Variants in LATS2 observed in about 807,000 individuals in gnomAD.
LATS2 encodes the protein serine/threonine-protein kinase LATS2.
In LATS2, 24 loss-of-function variants were observed where a neutral mutation model predicts 76.0. That is an observed-to-expected ratio of 0.32 (90% CI 0.23 to 0.44). LATS2 has a LOEUF of 0.44. Ranked by LOEUF, LATS2 falls within the 20% of genes least tolerant of loss-of-function variation. The pLI is 1.00. For missense variants in LATS2, 1,286 were observed against 1,481.2 expected (o/e 0.87, Z 2.16); for synonymous variants, 692 against 635.4 (o/e 1.09, Z -1.34).
intron 2 of LATS2, among the ~76,000 whole-genome samples, chr13:21,017,812 G>C (rs1313659149): frequency 6.6e-6 from 1 of 152,056 alleles, no homozygotes; most frequent in Non-Finnish European, 1.5e-5. Flanking sequence ...TTTTACTAGA[G>C]ATGGGGTTTC....
intron 1 of LATS2, among the ~76,000 whole-genome samples, chr13:21,050,631 A>G (rs4393423): frequency 0.8 from 121,825 of 152,164 alleles, 49,461 homozygotes; most frequent in South Asian, 0.91. Flanking sequence ...CGTTTAGGTT[A>G]CTCCTGGTCT....
At chr13:21,027,868 C>T (rs1872367330) in intron 2 of LATS2, among the ~76,000 whole-genome samples, 1 of 152,082 alleles carries the variant, frequency 6.6e-6, no homozygotes, top group South Asian at 2.1e-4. Context: ...GCCGTCTTAA[C>T]AGTATTGAGT....
rs142447314 is a variant in LATS2, at chr13:21,022,345, G to C, written c.342+23340C>G. Among the ~76,000 whole-genome samples, 312 of 151,788 alleles carry C rather than the reference G, an allele frequency of 2.1e-3. 3 individuals carry two copies. The highest frequency in any genetic ancestry group is 0.01 in the Middle Eastern group (3 of 294). On this transcript the variant is annotated intron_variant, in intron 2 of 7. Transcript: ENST00000382592. ...GTATATGCCTAAGTGCATGTACTGAGTCAGGACTGAGAACCATTGCTCAAG... is the reference window on the plus strand; with the variant it reads ...GTATATGCCTAAGTGCATGTACTGACTCAGGACTGAGAACCATTGCTCAAG...
chr13:20,998,127 G>A (rs1201450105), intron 2 of LATS2, among the ~76,000 whole-genome samples: 1 of 152,094 alleles, frequency 6.6e-6, no homozygotes, highest in African/African-American at 2.4e-5. Context: ...GCTTTGGGAG[G>A]CCAAGGTAGG....
At chr13:20,993,538 G>A (rs1055310059) in intron 2 of LATS2, among the ~76,000 whole-genome samples, 3 of 151,942 alleles carry the variant, frequency 2.0e-5, no homozygotes, top group African/African-American at 7.2e-5. Context: ...GGGAGGTGCC[G>A]CCACATGGGC....
chr13:20,979,636 A>G, intron 7 of LATS2, 55 bp downstream of exon 7: 3 of 928,982 alleles, frequency 3.2e-6, no homozygotes, highest in Non-Finnish European at 3.5e-6. Flanking sequence ...ATTCATGGGT[A>G]CATGAGCAAA....
intron 2 of LATS2, among the ~76,000 whole-genome samples, chr13:21,012,592 A>C (rs1423872307): frequency 2.0e-5 from 3 of 152,182 alleles, no homozygotes; most frequent in Non-Finnish European, 4.4e-5. Flanking sequence ...TTTTCTACCT[A>C]GTAGTGTTCC....
intron 2 of LATS2, among the ~76,000 whole-genome samples, chr13:21,041,436 T>C (rs1389103333): frequency 1.3e-5 from 2 of 152,212 alleles, no homozygotes; most frequent in Admixed American, 1.3e-4. Flanking sequence ...TTTGTTTGTT[T>C]ACATTTCTTC....
intron 1 of LATS2, among the ~76,000 whole-genome samples, chr13:21,049,907 G>C (rs1375984739): frequency 1.3e-5 from 2 of 152,072 alleles, no homozygotes; most frequent in Non-Finnish European, 2.9e-5. Flanking sequence ...GATCACTTGA[G>C]GCCAGGAGTT....
chr13:21,018,537 C>T (rs948299622), intron 2 of LATS2, among the ~76,000 whole-genome samples: 1 of 152,258 alleles, frequency 6.6e-6, no homozygotes, highest in Non-Finnish European at 1.5e-5. Flanking sequence ...GCAGACCACA[C>T]CCTGCTTGCG....
intron 2 of LATS2, among the ~76,000 whole-genome samples, chr13:20,997,100 GAGGTTTTCTGCCTCATGGCTA>G (rs1870792209): frequency 6.6e-6 from 1 of 152,158 alleles, no homozygotes; most frequent in Non-Finnish European, 1.5e-5. Flanking sequence ...AGCTCCTCAA[GAGGTTTTCTGCCTCATGGCTA>G]AAACTAAGAG....
At chr13:21,027,893 A>C (rs1872368577) in intron 2 of LATS2, among the ~76,000 whole-genome samples, 2 of 152,072 alleles carry the variant, frequency 1.3e-5, no homozygotes, top group South Asian at 4.2e-4. Flanking sequence ...TGATCTGTGA[A>C]CATACTCTCT....
intron 2 of LATS2, among the ~76,000 whole-genome samples, chr13:21,035,758 G>A (rs868077020): frequency 2.5e-4 from 38 of 152,322 alleles, no homozygotes; most frequent in Middle Eastern, 3.4e-3. Context: ...TCGCAGTGGA[G>A]GGACCCAGCT....
At position 21,045,887 on chromosome 13, in the gene LATS2, A is replaced by T. The variant is rs775342052; in HGVS notation, c.140T>A (p.Leu47Gln). The T allele has an allele frequency of 1.2e-6, 2 of 1,614,198 alleles. No individual in the cohort carries two copies. Among genetic ancestry groups the T allele is most frequent in the Non-Finnish European group, 1.7e-6 (2 of 1,180,036 alleles). The change falls in exon 2 of 8, where the codon CTG becomes CAG. Residue 47 changes from leucine (L) to glutamine (Q), a missense_variant. Leu to Gln is a moderately radical substitution (Grantham distance 113, BLOSUM62 -2). This residue lies in a region of LATS2 where 101 missense variants were observed against 141.4 expected (regional missense o/e 0.71). Coordinates refer to ENST00000382592, the MANE Select transcript of LATS2 (RefSeq NM_014572.3). ...LPAGPNSDTS[L>Q]DAKVLGSKDA... ...TTTGCTCCCCAGGACTTTGGCATCC[A>T]GGGAAGTGTCACTGTTTGGTCCTGC...
At chr13:21,057,805 TA>T (rs11314270) in intron 1 of LATS2, among the ~76,000 whole-genome samples, 150,622 of 151,440 alleles carry the variant, frequency 0.99, 74,906 homozygotes, top group Middle Eastern at 1. Context: ...ATCTCAAAAA[TA>T]AAAAAAAAAT....
chr13:21,011,713 T>C (rs1270425395), intron 2 of LATS2, among the ~76,000 whole-genome samples: 1 of 152,238 alleles, frequency 6.6e-6, no homozygotes, highest in Non-Finnish European at 1.5e-5. Flanking sequence ...GTTTCAAAAA[T>C]GATAGAATGT....
intron 2 of LATS2, among the ~76,000 whole-genome samples, chr13:21,015,786 G>A (rs1402714523): frequency 2.6e-5 from 4 of 152,010 alleles, no homozygotes; most frequent in Admixed American, 6.6e-5. Flanking sequence ...TGCAACCTCC[G>A]CCTCCCAGGT....
At chr13:20,986,232 A>G (rs768225372) in intron 4 of LATS2, among the ~76,000 whole-genome samples, 1 of 152,218 alleles carries the variant, frequency 6.6e-6, no homozygotes, top group Non-Finnish European at 1.5e-5. Context: ...GAAACTAAAA[A>G]TAGAACTACC....
intron 2 of LATS2, among the ~76,000 whole-genome samples, chr13:20,998,386 A>T (rs970752717): frequency 6.6e-6 from 1 of 152,130 alleles, no homozygotes; most frequent in African/African-American, 2.4e-5. Flanking sequence ...TTAATTAATT[A>T]AATTAAGAAA....
Sources: allele counts gnomAD v4.1 joint callset (sites outside exome capture counted in the v4.1 genomes callset), GRCh38; gene constraint gnomAD v4.1.1; regional missense constraint gnomAD v4.1.1; transcripts MANE v1.5; gene names NCBI Gene and HGNC (gene_info 2026-07-23, HGNC 2026-07-21).